Variants in LPIN2 observed in about 807,000 individuals in gnomAD.
The protein encoded by LPIN2 is phosphatidate phosphatase LPIN2.
LPIN2 carries 55 observed loss-of-function variants against 111.4 expected under a neutral mutation model. That is an observed-to-expected ratio of 0.49 (90% CI 0.40 to 0.62). LPIN2 has a LOEUF of 0.62. LPIN2 is among the 20% of genes least tolerant of loss of function. The pLI is 0.00. For missense variants in LPIN2, 992 were observed against 1,112.1 expected (o/e 0.89, Z 1.54); for synonymous variants, 425 against 414.0 (o/e 1.03, Z -0.32).
intron 9 of LPIN2, among the ~76,000 whole-genome samples, chr18:2,929,776 CCAA>C (rs2077187917): frequency 6.6e-6 from 1 of 152,020 alleles, no homozygotes; most frequent in South Asian, 2.1e-4. Context: ...TATGGTGGTG[CCAA>C]CCTGTAATTC....
intron 4 of LPIN2, chr18:2,945,497 C>T: frequency 5.4e-6 from 5 of 928,124 alleles, no homozygotes; most frequent in Non-Finnish European, 8.9e-6. Flanking sequence ...CCACTTCACA[C>T]AGTATTAAAA....
In LPIN2 at chr18:2,954,591, T is replaced by C. The variant is rs1189226020; in HGVS notation, c.201A>G (p.Ile67Met). ...VLRSKEKVID[I>M]EINGSAVDLH... ...GATCCACTGCACTGCCGTTGATTTCTATATCAATCTATGGGAGAAACAAAG... is the reference window on the plus strand; with the variant it reads ...GATCCACTGCACTGCCGTTGATTTCCATATCAATCTATGGGAGAAACAAAG... Residue 67 changes from isoleucine to methionine, a missense_variant, in exon 3 of 20, where the codon ATA (isoleucine) becomes ATG (methionine). Physicochemically the swap from Ile to Met is conservative, Grantham distance 10. Around this residue, in one of 4 missense-constraint regions of LPIN2, gnomAD observed 67 missense variants for 112.1 expected, o/e 0.60. Coordinates refer to ENST00000677752, the MANE Select transcript of LPIN2 (RefSeq NM_001375808.2). 6.2e-7 allele frequency: 1 copy of C among 1,604,496 alleles called. No individual in the cohort carries two copies. Among genetic ancestry groups the C allele is most frequent in the South Asian group, 1.1e-5 (1 of 90,902 alleles).
In LPIN2 at chr18:2,978,003, ATCAACATGATGAAACCATCTC is replaced by A. The variant is rs768676841; in HGVS notation, c.-9-17175_-9-17155del. 2.4e-4 allele frequency among the ~76,000 whole-genome samples: 36 copies of A among 152,122 alleles called. No individual in the cohort carries two copies. The South Asian group carries it at 3.7e-3, about 16-fold the overall frequency. ...AGGTCAAGAGTTCAAGACCAGCCTG[ATCAACATGATGAAACCATCTC>A]TACTAAAAACACAAAAAGAAGCCGG... On this transcript the variant is annotated intron_variant, in intron 1 of 19. Coordinates refer to ENST00000677752, the MANE Select transcript of LPIN2 (RefSeq NM_001375808.2).
chr18:2,996,495 T>TGG (rs1555607864), intron 1 of LPIN2, among the ~76,000 whole-genome samples: 3 of 104,226 alleles, frequency 2.9e-5, no homozygotes, highest in Admixed American at 1.1e-4. Flanking sequence ...TTTTTTTTTT[T>TGG]GAGACAGAGT....
intron 2 of LPIN2, among the ~76,000 whole-genome samples, chr18:2,956,087 G>T (rs566919110): frequency 1.3e-5 from 2 of 152,248 alleles, no homozygotes; most frequent in South Asian, 4.1e-4. Flanking sequence ...AACAAACATT[G>T]TGCAGTAGTT....
At chr18:2,930,414 G>A (rs2077197438) in intron 9 of LPIN2, among the ~76,000 whole-genome samples, 1 of 152,148 alleles carries the variant, frequency 6.6e-6, no homozygotes, top group Admixed American at 6.5e-5. Context: ...ACAATGAAGA[G>A]ACAGGGAAGA....
intron 1 of LPIN2, chr18:2,982,773 G>C: frequency 8.0e-7 from 1 of 1,247,212 alleles, no homozygotes; most frequent in Non-Finnish European, 1.1e-6. Flanking sequence ...AAAACATCTT[G>C]AAATTTAACT....
At chr18:2,932,155 T>A (rs938494905) in intron 8 of LPIN2, among the ~76,000 whole-genome samples, 2 of 152,196 alleles carry the variant, frequency 1.3e-5, no homozygotes, top group Non-Finnish European at 2.9e-5. Context: ...AAGTGTAAAT[T>A]TGAGAAAGAA....
Position 2,945,844 on chromosome 18 carries a change from A to C in LPIN2, c.591-5132T>G, listed in dbSNP as rs2077443211. 4 of 1,467,932 alleles carry C rather than the reference A, an allele frequency of 2.7e-6. No homozygotes were observed. In the South Asian group the frequency reaches 4.5e-5, roughly 17 times the overall value. 90.9% of individuals were successfully genotyped at this position (1,467,932 alleles called of 1,614,324 possible). The stretch of plus-strand genomic sequence containing the variant: ...GTAACTTCACCTCCAGTCTGATGCC[A>C]GTCATGTCTACATGGAACAACTTTT... On this transcript the variant is annotated intron_variant, in intron 4 of 19. Coordinates refer to ENST00000677752, the MANE Select transcript of LPIN2 (RefSeq NM_001375808.2).
At position 2,920,830 on chromosome 18, in the gene LPIN2, C is replaced by T. The variant is rs773309322; in HGVS notation, c.2494G>A (p.Val832Met). The T allele has an allele frequency of 6.2e-7, 1 of 1,614,124 alleles. No homozygotes were observed. The highest frequency in any genetic ancestry group is 8.5e-7 in the Non-Finnish European group (1 of 1,179,964). ...VGVPDCRIFTVNPKGELIQER... is the reference protein window; with the variant it reads ...VGVPDCRIFTMNPKGELIQER... ...TGTATTAATTCACCCTTGGGGTTCA[C>T]GGTGAATATTCTACAGTCTGGAACT... Residue 832 changes from valine to methionine, a missense_variant, in exon 19 of 20, where the codon GTG (valine) becomes ATG (methionine). By Grantham distance (21) the Val-to-Met change is conservative. Around this residue, in one of 4 missense-constraint regions of LPIN2, gnomAD observed 185 missense variants for 186.5 expected, o/e 0.99. Transcript: ENST00000677752.
At chr18:2,958,928 C>CA (rs576986535) in intron 2 of LPIN2, among the ~76,000 whole-genome samples, 6,903 of 138,020 alleles carry the variant, frequency 0.05, 183 homozygotes, top group Middle Eastern at 0.093. Context: ...ACAATCTCAG[C>CA]AAAAAAAAAA....
chr18:2,927,702 A>G lies in LPIN2; in HGVS notation c.1710+20T>C. ...TCATTTCTTTCAGCCCACGGAAACA[A>G]TGACCTCTAGGTCTGTTACCTGTTT... On this transcript the variant is annotated intron_variant, in intron 12 of 19. Coordinates refer to ENST00000677752, the MANE Select transcript of LPIN2 (RefSeq NM_001375808.2). The G allele has an allele frequency of 6.2e-7, 1 of 1,612,276 alleles. No individual in the cohort carries two copies. Among genetic ancestry groups the G allele is most frequent in the Non-Finnish European group, 8.5e-7 (1 of 1,178,280 alleles).
chr18:2,924,752 TTCTCTG>T (rs1186995374), intron 14 of LPIN2, among the ~76,000 whole-genome samples: 1 of 152,168 alleles, frequency 6.6e-6, no homozygotes, highest in Non-Finnish European at 1.5e-5. Context: ...TTCCAGGGAC[TTCTCTG>T]AACACCCACA....
chr18:2,952,673 T>A (rs2077554312), intron 3 of LPIN2, among the ~76,000 whole-genome samples: 1 of 152,184 alleles, frequency 6.6e-6, no homozygotes, highest in Middle Eastern at 3.4e-3. Flanking sequence ...AGATGAGAGG[T>A]CGTGGTCTCT....
intron 1 of LPIN2, among the ~76,000 whole-genome samples, chr18:2,991,974 C>T (rs2078272333): frequency 6.7e-6 from 1 of 150,278 alleles, no homozygotes; most frequent in African/African-American, 2.5e-5. Context: ...CGCCACTGCA[C>T]TCTAGCCTGG....
chr18:2,973,375 A>G (rs111995186), intron 1 of LPIN2, among the ~76,000 whole-genome samples: 1,551 of 152,282 alleles, frequency 0.01, 26 homozygotes, highest in African/African-American at 0.035. Context: ...ACCCATGCCA[A>G]TCACTGATCT....
At chr18:2,937,544 TAAAAAAAAAAAAAAAA>T (rs71366618) in intron 7 of LPIN2, 132 bp downstream of exon 7, 14 of 345,866 alleles carry the variant, frequency 4.0e-5, no homozygotes, top group African/African-American at 3.3e-4. Context: ...AAACTCCAGC[TAAAAAAAAAAAAAAAA>T]AAAAAAAAAA....
intron 1 of LPIN2, among the ~76,000 whole-genome samples, chr18:2,963,184 T>C (rs545957715): frequency 6.6e-6 from 1 of 152,336 alleles, no homozygotes; most frequent in Admixed American, 6.5e-5. Flanking sequence ...TGCTACACCC[T>C]GGGTATGATG....
At chr18:2,944,634 G>A (rs554894053) in intron 4 of LPIN2, among the ~76,000 whole-genome samples, 1 of 152,242 alleles carries the variant, frequency 6.6e-6, no homozygotes, top group African/African-American at 2.4e-5. Flanking sequence ...ACAGGCATGA[G>A]CCACCGCGCC....
Sources: gnomAD v4.1 joint callset for allele counts (sites outside exome capture counted in the v4.1 genomes callset) on GRCh38, gnomAD v4.1.1 for gene constraint, gnomAD v4.1.1 regional missense constraint, MANE v1.5 for transcripts, NCBI Gene and HGNC (gene_info 2026-07-23, HGNC 2026-07-21) for gene names.